Variants in CDH8 observed in about 807,000 individuals in gnomAD.
The protein encoded by CDH8 is cadherin 8, also known as cadherin-8.
In CDH8, 17 loss-of-function variants were observed where a neutral mutation model predicts 68.1. The observed-to-expected ratio is 0.25, with a 90% CI of 0.17 to 0.37. CDH8 has a LOEUF of 0.37. CDH8 is among the 10% of genes least tolerant of loss of function. The pLI is 1.00. For synonymous variants in CDH8, 372 were observed against 365.1 expected, an observed-to-expected ratio of 1.02 and a Z score of -0.21; for missense variants, 763 against 999.3, an observed-to-expected ratio of 0.76 and a Z score of 3.19.
At chr16:61,893,309 T>G (rs1441892454) in intron 3 of CDH8, among the ~76,000 whole-genome samples, 2 of 152,162 alleles carry the variant, frequency 1.3e-5, no homozygotes, top group African/African-American at 2.4e-5. Flanking sequence ...TAATGACATC[T>G]GCTAAAACGC....
chr16:61,998,636 A>C (rs944384008), intron 2 of CDH8, among the ~76,000 whole-genome samples: 1 of 152,134 alleles, frequency 6.6e-6, no homozygotes, highest in Non-Finnish European at 1.5e-5. Flanking sequence ...TGCCCACTAT[A>C]TGTTTGGCAT....
chr16:61,694,517 A>G (rs2142836988), intron 10 of CDH8, among the ~76,000 whole-genome samples: 1 of 152,100 alleles, frequency 6.6e-6, no homozygotes, highest in East Asian at 1.9e-4. Context: ...TATTAGGAGT[A>G]ATAGGGTTTG....
intron 2 of CDH8, among the ~76,000 whole-genome samples, chr16:61,970,481 C>T (rs1347243572): frequency 6.6e-6 from 1 of 151,828 alleles, no homozygotes; most frequent in Non-Finnish European, 1.5e-5. Flanking sequence ...ACATTGTACG[C>T]CTTAAAAATA....
In CDH8 at chr16:62,033,759, A is replaced by G. The variant is rs570230560; in HGVS notation, c.-200+2321T>C. On this transcript the variant is annotated intron_variant, in intron 1 of 11. Transcript: ENST00000577390. The stretch of plus-strand genomic sequence containing the variant: ...GTGGGGATCAGAATGAGGAAGGTGA[A>G]CTGCCACGGAAGGGCTCTGAATGAA... Among the ~76,000 whole-genome samples the G allele has an allele frequency of 3.6e-3, 545 of 152,164 alleles. 8 individuals carry two copies. Among genetic ancestry groups the G allele is most frequent in the Non-Finnish European group, 2.1e-3 (146 of 67,994 alleles).
intron 7 of CDH8, among the ~76,000 whole-genome samples, 167 bp downstream of exon 7, chr16:61,817,312 C>CCACACA (rs3833039): frequency 0.012 from 1,751 of 148,172 alleles, 19 homozygotes; most frequent in Non-Finnish European, 0.014. Flanking sequence ...CGTGTACACA[C>CCACACA]CACACACACA....
chr16:61,853,579 G>A, intron 4 of CDH8, among the ~76,000 whole-genome samples: 1 of 152,068 alleles, frequency 6.6e-6, no homozygotes, highest in East Asian at 1.9e-4. Context: ...CACATATGTG[G>A]TGATGTGTAA....
At chr16:61,812,333 CTG>C (rs1348158162) in intron 7 of CDH8, among the ~76,000 whole-genome samples, 1 of 152,170 alleles carries the variant, frequency 6.6e-6, no homozygotes, top group Non-Finnish European at 1.5e-5. Flanking sequence ...TGCAATGCTT[CTG>C]TGTTGAGTGG....
At chr16:61,768,354 C>T (rs1960664901) in intron 8 of CDH8, among the ~76,000 whole-genome samples, 6 of 113,970 alleles carry the variant, frequency 5.3e-5, no homozygotes, top group African/African-American at 1.8e-4. Flanking sequence ...CTCTCTCTCT[C>T]TCTCTCTCTC....
Position 61,820,314 on chromosome 16 carries a change from G to GTTTT in CDH8, c.1023+608_1023+611dup, listed in dbSNP as rs545670875. Among the ~76,000 whole-genome samples the GTTTT allele has an allele frequency of 9.7e-3, 880 of 90,718 alleles. 38 individuals are homozygous for GTTTT. The highest frequency in any genetic ancestry group is 0.06 in the East Asian group (158 of 2,624). The allele number at this position is 90,718 out of a possible 152,430, so 59.5% of individuals were successfully genotyped here. A position where few individuals can be genotyped will look rare whatever the true frequency, so the allele number is the denominator to read the frequency against. ...TGAACCTGAATGTTCTGCCTGTTTG[G>GTTTT]TTTTTTTTTTTTTTTTTTTTTTTTT... On this transcript the variant is annotated intron_variant, in intron 6 of 11. Coordinates refer to ENST00000577390, the MANE Select transcript of CDH8 (RefSeq NM_001796.5).
At chr16:61,952,246 A>T (rs1471895147) in intron 2 of CDH8, among the ~76,000 whole-genome samples, 1 of 152,206 alleles carries the variant, frequency 6.6e-6, no homozygotes, top group Non-Finnish European at 1.5e-5. Context: ...AAAGAATACC[A>T]CAGAAGAACT....
chr16:61,825,033 T>G lies in CDH8; in HGVS notation c.814A>C (p.Asn272His). The G allele has an allele frequency of 6.2e-7, 1 of 1,611,562 alleles. No homozygotes were observed. The highest frequency in any genetic ancestry group is 8.5e-7 in the Non-Finnish European group (1 of 1,178,500). Residue 272 changes from asparagine to histidine, a missense_variant, in exon 5 of 12, where the codon AAT (asparagine) becomes CAT (histidine). Around this residue, in one of 2 missense-constraint regions of CDH8, gnomAD observed 366 missense variants for 563.1 expected, o/e 0.65. Transcript: ENST00000577390. ...LTVTLTDVND[N>H]PPKFAQSLYH... is the part of the protein sequence containing the mutation. ...TTACTCTGTGCAAATTTTGGAGGAT[T>G]GTCATTAACATCAGTAAGAGTCACT...
chr16:61,701,920 T>A (rs1258272078), intron 10 of CDH8, among the ~76,000 whole-genome samples: 1 of 152,360 alleles, frequency 6.6e-6, no homozygotes, highest in East Asian at 1.9e-4. Flanking sequence ...ATGTTGACTG[T>A]CAGTCTTAAT....
At chr16:61,661,659 A>G (rs1416470466) in intron 10 of CDH8, among the ~76,000 whole-genome samples, 1 of 151,816 alleles carries the variant, frequency 6.6e-6, no homozygotes, top group Non-Finnish European at 1.5e-5. Context: ...CAAATCAATA[A>G]CCTAATTTTT....
chr16:61,789,509 ACT>A, intron 7 of CDH8, 27 bp from the exon 8 acceptor site: 1 of 1,607,896 alleles, frequency 6.2e-7, no homozygotes, highest in Non-Finnish European at 8.5e-7. Context: ...TCTGTAATCT[ACT>A]TCAATGTTTA....
At chr16:61,793,245 C>A (rs938798065) in intron 7 of CDH8, among the ~76,000 whole-genome samples, 2 of 148,622 alleles carry the variant, frequency 1.3e-5, no homozygotes, top group African/African-American at 4.9e-5. Context: ...TAATTCATTT[C>A]TTTTTTTTTT....
At chr16:61,949,396 A>G (rs1453223082) in intron 2 of CDH8, among the ~76,000 whole-genome samples, 3 of 152,156 alleles carry the variant, frequency 2.0e-5, no homozygotes, top group Non-Finnish European at 4.4e-5. Flanking sequence ...AATCAGCAGG[A>G]AGTGGGTGGG....
intron 2 of CDH8, among the ~76,000 whole-genome samples, chr16:61,942,950 T>C (rs1964746459): frequency 6.6e-6 from 1 of 152,042 alleles, no homozygotes; most frequent in African/African-American, 2.4e-5. Context: ...GTCCCAGCTA[T>C]TTGAGAAGCT....
intron 2 of CDH8, among the ~76,000 whole-genome samples, chr16:62,010,702 G>A (rs1901786847): frequency 6.6e-6 from 1 of 152,074 alleles, no homozygotes; most frequent in Admixed American, 6.5e-5. Flanking sequence ...ACTTTGGGAG[G>A]CCAAGATGGG....
chr16:61,744,997 TATC>T (rs1959978973), intron 8 of CDH8, among the ~76,000 whole-genome samples: 1 of 151,320 alleles, frequency 6.6e-6, no homozygotes, highest in South Asian at 2.1e-4. Flanking sequence ...TTTTCTATAT[TATC>T]ATATTGCCAT....
Sources: allele counts gnomAD v4.1 joint callset (sites outside exome capture counted in the v4.1 genomes callset), GRCh38; gene constraint gnomAD v4.1.1; regional missense constraint gnomAD v4.1.1; transcripts MANE v1.5; gene names NCBI Gene and HGNC (gene_info 2026-07-23, HGNC 2026-07-21).